The following CROT variants were observed in gnomAD, a reference collection of about 807,000 sequenced individuals.
CROT encodes the protein carnitine O-octanoyltransferase.
CROT carries 84 observed loss-of-function variants against 89.2 expected under a neutral mutation model. The ratio of observed to expected loss-of-function variants is 0.94; its 90% CI spans 0.79 to 1.13. The LOEUF (loss-of-function observed/expected upper bound fraction) is 1.13, where lower values mean the gene tolerates loss of function less well. CROT is among the 50% of genes most tolerant of loss of function. The pLI is 0.00. For missense variants in CROT, 711 were observed against 727.8 expected (o/e 0.98, Z 0.27); for synonymous variants, 212 against 239.5 (o/e 0.89, Z 1.06).
At chr7:87,351,484 G>A (rs578148331) in intron 3 of CROT, among the ~76,000 whole-genome samples, 34 of 152,092 alleles carry the variant, frequency 2.2e-4, no homozygotes, top group Non-Finnish European at 4.0e-4. Context: ...TAGAAGGGAG[G>A]CCGTAGTTTG....
chr7:87,392,697 T>C (rs750650876), intron 15 of CROT, 33 bp from the exon 16 acceptor site: 3 of 1,611,212 alleles, frequency 1.9e-6, no homozygotes, highest in African/African-American at 1.3e-5. Context: ...TGAAAAATTT[T>C]TTTCTAACCT....
intron 3 of CROT, among the ~76,000 whole-genome samples, chr7:87,354,603 G>A (rs553065095): frequency 6.6e-6 from 1 of 151,966 alleles, no homozygotes. Context: ...CATAACAACA[G>A]TAAAATTAGA....
intron 9 of CROT, 73 bp downstream of exon 9, chr7:87,376,026 G>GT (rs1230098689): frequency 1.1e-4 from 156 of 1,418,516 alleles, no homozygotes; most frequent in East Asian, 9.7e-4. Context: ...GAACATGGAA[G>GT]TTTTTTTTCT....
At chr7:87,363,025 A>G (rs2115847683) in intron 6 of CROT, among the ~76,000 whole-genome samples, 1 of 152,318 alleles carries the variant, frequency 6.6e-6, no homozygotes, top group South Asian at 2.1e-4. Context: ...TGAATGGAAA[A>G]AATGAACAAG....
chr7:87,394,429 A>C (rs1807459985), intron 17 of CROT, among the ~76,000 whole-genome samples: 1 of 152,200 alleles, frequency 6.6e-6, no homozygotes, highest in South Asian at 2.1e-4. Context: ...AAGTGCTCCC[A>C]AGAAGCAGAG....
intron 17 of CROT, among the ~76,000 whole-genome samples, chr7:87,397,303 A>C (rs1400122642): frequency 1.3e-5 from 2 of 151,720 alleles, no homozygotes; most frequent in African/African-American, 4.8e-5. Flanking sequence ...GTGAGCTGAG[A>C]TCATGCCACT....
intron 3 of CROT, among the ~76,000 whole-genome samples, chr7:87,355,302 G>A (rs758872468): frequency 6.6e-6 from 1 of 151,908 alleles, no homozygotes; most frequent in African/African-American, 2.4e-5. Context: ...GCTTTGCCAT[G>A]TTGCCCAGGC....
chr7:87,382,437 TA>T lies in CROT; in HGVS notation c.1196del (p.Tyr399LeufsTer10), dbSNP rs749844261. ...GGCATCTGATCTACAGATTGCGGCT[TA>T]TGCCTTTACATCTTTTGGCAAAAAG... ...REASDLQIAA[Y>X]AFTSFGKKLT... On this transcript the variant is annotated frameshift_variant, in exon 13 of 18. Coordinates refer to ENST00000331536, the MANE Select transcript of CROT (RefSeq NM_021151.4). LOFTEE classifies it high-confidence loss of function. 10 of 1,613,718 alleles carry T rather than the reference TA, an allele frequency of 6.2e-6. No homozygotes were observed. The highest frequency in any genetic ancestry group is 8.5e-6 in the Non-Finnish European group (10 of 1,179,872).
At chr7:87,350,619 C>G (rs1370880104) in intron 3 of CROT, among the ~76,000 whole-genome samples, 1 of 152,088 alleles carries the variant, frequency 6.6e-6, no homozygotes, top group Admixed American at 6.5e-5. Context: ...ATTGTCCAGT[C>G]CAGTTGTAAG....
intron 3 of CROT, among the ~76,000 whole-genome samples, chr7:87,350,715 C>G (rs1805839687): frequency 6.6e-6 from 1 of 152,114 alleles, no homozygotes; most frequent in African/African-American, 2.4e-5. Context: ...ATTTATTTTG[C>G]CATTCTGTCC....
chr7:87,384,043 TG>T lies in CROT; in HGVS notation c.1301+1501del, dbSNP rs555688611. 5.5e-4 allele frequency among the ~76,000 whole-genome samples: 83 copies of T among 152,188 alleles called. No homozygotes were observed. The South Asian group carries it at 0.016, about 29-fold the overall frequency. On this transcript the variant is annotated intron_variant, in intron 13 of 17. Transcript: ENST00000331536. Reference sequence around the variant, plus strand: ...TACTAATTTACATTTCCACCAACAATGTATGAGGGTTCCCTTTTCTCCACAT... The same window carrying T: ...TACTAATTTACATTTCCACCAACAATTATGAGGGTTCCCTTTTCTCCACAT...
At chr7:87,353,682 C>T (rs1219266405) in intron 3 of CROT, among the ~76,000 whole-genome samples, 1 of 152,210 alleles carries the variant, frequency 6.6e-6, no homozygotes, top group Non-Finnish European at 1.5e-5. Context: ...GGAGCAGGCA[C>T]TTCACATGGT....
At chr7:87,372,011 A>C (rs1328610079) in intron 7 of CROT, among the ~76,000 whole-genome samples, 1 of 151,250 alleles carries the variant, frequency 6.6e-6, no homozygotes, top group Admixed American at 6.6e-5. Flanking sequence ...AAAAAACAAA[A>C]AAAAAAAAAC....
intron 13 of CROT, among the ~76,000 whole-genome samples, chr7:87,388,620 T>C (rs1807257142): frequency 6.6e-6 from 1 of 152,074 alleles, no homozygotes; most frequent in Non-Finnish European, 1.5e-5. Context: ...TATACAAAAA[T>C]TAACTCAAGA....
chr7:87,391,805 T>C (rs1701591407), intron 14 of CROT, 93 bp downstream of exon 14: 2 of 1,263,302 alleles, frequency 1.6e-6, no homozygotes, highest in African/African-American at 1.6e-5. Flanking sequence ...TGCTTCAGTT[T>C]TCCTGGATCA....
At chr7:87,396,788 A>T (rs1807539999) in intron 17 of CROT, among the ~76,000 whole-genome samples, 1 of 152,008 alleles carries the variant, frequency 6.6e-6, no homozygotes, top group South Asian at 2.1e-4. Flanking sequence ...GATGCTCCCA[A>T]CCTATAATGT....
chr7:87,360,720 T>C (rs76051915), intron 4 of CROT, among the ~76,000 whole-genome samples: 331 of 152,334 alleles, frequency 2.2e-3, no homozygotes, highest in African/African-American at 7.8e-3. Context: ...CTGTTATTAT[T>C]AGGTAAGGAT....
At chr7:87,368,634 A>G (rs1031699444) in intron 6 of CROT, among the ~76,000 whole-genome samples, 8 of 152,306 alleles carry the variant, frequency 5.3e-5, no homozygotes, top group African/African-American at 1.9e-4. Context: ...AATACCCACC[A>G]CTATATTTCC....
At chr7:87,372,348 C>A (rs536377897) in intron 7 of CROT, among the ~76,000 whole-genome samples, 1 of 152,100 alleles carries the variant, frequency 6.6e-6, no homozygotes, top group Non-Finnish European at 1.5e-5. Context: ...TCTTTTTAAT[C>A]ATTTGCTTTT....
Sources: gnomAD v4.1 joint callset for allele counts (sites outside exome capture counted in the v4.1 genomes callset) on GRCh38, gnomAD v4.1.1 for gene constraint, MANE v1.5 for transcripts, NCBI Gene and HGNC (gene_info 2026-07-23, HGNC 2026-07-21) for gene names.